AFTPH: variants seen among roughly 807,000 people sequenced by gnomAD.
AFTPH encodes the protein aftiphilin, also known as aftiphilin protein.
A neutral mutation model predicts 72.5 loss-of-function variants in AFTPH; 7 were observed. That is an observed-to-expected ratio of 0.10 (90% CI 0.05 to 0.18). AFTPH has a LOEUF of 0.18. Ranked by LOEUF, AFTPH falls within the 10% of genes least tolerant of loss-of-function variation. The pLI is 1.00. For synonymous variants in AFTPH, 337 were observed against 370.1 expected (o/e 0.91, Z 1.03); for missense variants, 979 against 1,060.5 (o/e 0.92, Z 1.07).
intron 2 of AFTPH, among the ~76,000 whole-genome samples, chr2:64,555,076 T>A (rs1170599669): frequency 6.6e-6 from 1 of 152,328 alleles, no homozygotes; most frequent in East Asian, 1.9e-4. Context: ...AAAAGCCTTA[T>A]GATTTTTGGA....
intron 1 of AFTPH, among the ~76,000 whole-genome samples, chr2:64,530,335 C>G (rs1669556287): frequency 6.6e-6 from 1 of 152,148 alleles, no homozygotes; most frequent in East Asian, 1.9e-4. Context: ...AGGCCATATT[C>G]AGATTCTTCC....
chr2:64,540,071 C>A (rs1435124968), intron 1 of AFTPH, among the ~76,000 whole-genome samples: 1 of 152,154 alleles, frequency 6.6e-6, no homozygotes, highest in African/African-American at 2.4e-5. Flanking sequence ...CAGGGATTAT[C>A]TGTAGACAAG....
exon 2 of AFTPH, chr2:64,552,644 T>C (rs372004986): frequency 1.2e-6 from 2 of 1,614,200 alleles, no homozygotes; most frequent in Non-Finnish European, 1.7e-6. Context: ...GTAGAAAGTT[T>C]ACTAATTTCC....
At chr2:64,536,551 A>G (rs1379628255) in intron 1 of AFTPH, among the ~76,000 whole-genome samples, 1 of 145,456 alleles carries the variant, frequency 6.9e-6, no homozygotes, top group Non-Finnish European at 1.5e-5. Flanking sequence ...GACAGAGCAG[A>G]GCGAGACTCC....
chr2:64,528,441 C>A (rs919415192), intron 1 of AFTPH, among the ~76,000 whole-genome samples: 2 of 152,122 alleles, frequency 1.3e-5, no homozygotes, highest in African/African-American at 2.4e-5. Flanking sequence ...CATTTGTGTA[C>A]ATATTTGGGA....
intron 7 of AFTPH, 134 bp downstream of exon 7, chr2:64,579,680 C>T: frequency 1.3e-6 from 1 of 748,944 alleles, no homozygotes; most frequent in Non-Finnish European, 2.1e-6. Flanking sequence ...TTCAGGCTTT[C>T]TTTCTGAACA....
chr2:64,555,203 A>G (rs1309870332), intron 2 of AFTPH, among the ~76,000 whole-genome samples: 1 of 152,192 alleles, frequency 6.6e-6, no homozygotes, highest in African/African-American at 2.4e-5. Flanking sequence ...GAAAATAAGA[A>G]TTTTATAGTA....
chr2:64,539,930 C>CTGTTT (rs547244399), intron 1 of AFTPH, among the ~76,000 whole-genome samples: 1 of 151,972 alleles, frequency 6.6e-6, no homozygotes, highest in Non-Finnish European at 1.5e-5. Flanking sequence ...AGAGAGGATT[C>CTGTTT]TGTTTTGTTT....
chr2:64,567,480 CGT>C lies in AFTPH; in HGVS notation c.1936-77_1936-76del, dbSNP rs1445800470. 41 of 1,420,234 alleles carry C rather than the reference CGT, an allele frequency of 2.9e-5. No homozygotes were observed. In the East Asian group the frequency reaches 9.3e-4, roughly 32 times the overall value. 88.0% of individuals were successfully genotyped at this position (1,420,234 alleles called of 1,614,324 possible). Reference sequence around the variant, plus strand: ...CTCTCACAGTAGTGGACAGGGTGTGCGTGTGTTTGCATTTTAATGCTATAACT... The same window carrying C: ...CTCTCACAGTAGTGGACAGGGTGTGCGTGTTTGCATTTTAATGCTATAACT... On this transcript the variant is annotated intron_variant, in intron 2 of 8. Transcript: ENST00000238856.
chr2:64,589,136 G>A (rs1250707691), intron 8 of AFTPH, among the ~76,000 whole-genome samples: 2 of 152,108 alleles, frequency 1.3e-5, no homozygotes, highest in Non-Finnish European at 2.9e-5. Context: ...TGGTCACAAA[G>A]ATTTATACCT....
At chr2:64,576,074 TACACACACACACACACACACACACACAC>T (rs55774717) in intron 6 of AFTPH, among the ~76,000 whole-genome samples, 8,270 of 127,736 alleles carry the variant, frequency 0.065, 481 homozygotes, top group African/African-American at 0.14. Flanking sequence ...TTTGGCATGC[TACACACACACACACACACACACACACAC>T]ACACACACAC....
At chr2:64,558,753 T>C (rs1671538778) in intron 2 of AFTPH, among the ~76,000 whole-genome samples, 1 of 152,248 alleles carries the variant, frequency 6.6e-6, no homozygotes, top group Non-Finnish European at 1.5e-5. Flanking sequence ...TTGTAATTTA[T>C]TCTTTTTGCA....
intron 1 of AFTPH, among the ~76,000 whole-genome samples, chr2:64,536,951 C>CAAAAAAA (rs70937353): frequency 4.9e-5 from 4 of 81,780 alleles, no homozygotes; most frequent in Admixed American, 1.4e-4. Flanking sequence ...GACTCTGTCT[C>CAAAAAAA]AAAAAAAAAA....
chr2:64,590,099 CTTT>C (rs962527235), intron 8 of AFTPH, among the ~76,000 whole-genome samples: 5 of 152,106 alleles, frequency 3.3e-5, no homozygotes, highest in Non-Finnish European at 7.4e-5. Context: ...TCCAACTATC[CTTT>C]CTCAGCTTTG....
chr2:64,565,367 C>T (rs572167522), intron 2 of AFTPH, among the ~76,000 whole-genome samples: 29 of 147,492 alleles, frequency 2.0e-4, no homozygotes, highest in Admixed American at 6.2e-4. Flanking sequence ...CCCAGCTACT[C>T]GGGAGGCTGA....
chr2:64,534,910 T>C (rs974311923), intron 1 of AFTPH, among the ~76,000 whole-genome samples: 5 of 152,158 alleles, frequency 3.3e-5, no homozygotes, highest in African/African-American at 9.6e-5. Context: ...CAAATACTTA[T>C]GTGTTGTTTC....
At chr2:64,555,989 C>CTTTTTTTTTTT (rs774669104) in intron 2 of AFTPH, among the ~76,000 whole-genome samples, 5 of 134,102 alleles carry the variant, frequency 3.7e-5, no homozygotes, top group East Asian at 2.3e-4. Flanking sequence ...GAATTCCTCA[C>CTTTTTTTTTTT]TTTTTTTTTT....
intron 5 of AFTPH, 101 bp downstream of exon 5, chr2:64,569,780 T>C: frequency 9.1e-7 from 1 of 1,104,778 alleles, no homozygotes; most frequent in Admixed American, 1.9e-5. Flanking sequence ...AAGAGACATT[T>C]AGTGTTGGAA....
chr2:64,569,261 G>A (rs1672273905), intron 4 of AFTPH, 43 bp downstream of exon 4: 3 of 1,568,986 alleles, frequency 1.9e-6, no homozygotes, highest in Non-Finnish European at 2.6e-6. Flanking sequence ...ATCAACCTGT[G>A]GATGTTTTAA....
Sources: allele counts gnomAD v4.1 joint callset (sites outside exome capture counted in the v4.1 genomes callset), GRCh38; gene constraint gnomAD v4.1.1; transcripts MANE v1.5; gene names NCBI Gene and HGNC (gene_info 2026-07-23, HGNC 2026-07-21).